The following FHOD3 variants were observed in gnomAD, a reference collection of about 807,000 sequenced individuals.
The protein encoded by FHOD3 is FH1/FH2 domain-containing protein 3.
In FHOD3, 90 loss-of-function variants were observed where a neutral mutation model predicts 173.0. That is an observed-to-expected ratio of 0.52 (90% CI 0.44 to 0.62). The LOEUF (loss-of-function observed/expected upper bound fraction) is 0.62, where lower values mean the gene tolerates loss of function less well. Among genes scored for constraint, FHOD3 ranks in the 20% least tolerant of loss-of-function variants. FHOD3 has a pLI of 0.00. For synonymous variants in FHOD3, 828 were observed against 823.0 expected (o/e 1.01, Z -0.10); for missense variants, 1,945 against 2,034.7 (o/e 0.96, Z 0.85).
At chr18:36,592,345 A>G (rs553595234) in intron 6 of FHOD3, among the ~76,000 whole-genome samples, 2 of 152,342 alleles carry the variant, frequency 1.3e-5, no homozygotes, top group Admixed American at 1.3e-4. Flanking sequence ...TCCTGTGATG[A>G]CTGGTTCCAG....
intron 3 of FHOD3, among the ~76,000 whole-genome samples, chr18:36,475,076 TTGGACTA>T (rs1267636034): frequency 6.6e-5 from 10 of 151,296 alleles, no homozygotes. Flanking sequence ...ACAGAAGAGC[TTGGACTA>T]TTTCTTTCTT....
intron 3 of FHOD3, among the ~76,000 whole-genome samples, chr18:36,412,142 T>C (rs2049385094): frequency 6.6e-6 from 1 of 152,180 alleles, no homozygotes; most frequent in African/African-American, 2.4e-5. Context: ...GCAGTTAATA[T>C]TGCTCAGGGT....
At chr18:36,491,323 C>A (rs1160916466) in intron 3 of FHOD3, among the ~76,000 whole-genome samples, 1 of 152,116 alleles carries the variant, frequency 6.6e-6, no homozygotes, top group African/African-American at 2.4e-5. Context: ...TTCCCATATA[C>A]CCCCTCAACC....
intron 14 of FHOD3, among the ~76,000 whole-genome samples, chr18:36,658,471 T>A (rs752719717): frequency 6.6e-6 from 1 of 152,238 alleles, no homozygotes; most frequent in Non-Finnish European, 1.5e-5. Flanking sequence ...AATGTTTTGA[T>A]TCATTCCTTA....
intron 3 of FHOD3, among the ~76,000 whole-genome samples, chr18:36,380,578 TTTTCCTTTCC>T (rs71381571): frequency 0.12 from 6,147 of 51,900 alleles, 317 homozygotes; most frequent in Middle Eastern, 0.17. Context: ...TTTTCTTTTC[TTTTCCTTTCC>T]TTTCCTTTCC....
chr18:36,651,897 C>T (rs1316503745), intron 11 of FHOD3, among the ~76,000 whole-genome samples: 1 of 152,152 alleles, frequency 6.6e-6, no homozygotes, highest in Non-Finnish European at 1.5e-5. Flanking sequence ...GATTTTATAC[C>T]TGGAGGCAGA....
chr18:36,460,989 A>G (rs1307141934), intron 3 of FHOD3, among the ~76,000 whole-genome samples: 4 of 152,192 alleles, frequency 2.6e-5, no homozygotes, highest in Non-Finnish European at 5.9e-5. Flanking sequence ...TATGGGGGCC[A>G]AGACCTTCGG....
chr18:36,668,211 C>T (rs1459486400), intron 14 of FHOD3, among the ~76,000 whole-genome samples: 1 of 152,106 alleles, frequency 6.6e-6, no homozygotes, highest in Non-Finnish European at 1.5e-5. Flanking sequence ...ATCTTATATT[C>T]TTATCAGATC....
chr18:36,471,181 G>A (rs1232024238), intron 3 of FHOD3, among the ~76,000 whole-genome samples: 3 of 152,172 alleles, frequency 2.0e-5, no homozygotes, highest in African/African-American at 7.2e-5. Context: ...ACTCTGCCCA[G>A]CCCACAAAGC....
At chr18:36,606,816 A>G (rs760646323) in intron 8 of FHOD3, among the ~76,000 whole-genome samples, 11 of 152,240 alleles carry the variant, frequency 7.2e-5, no homozygotes, top group Non-Finnish European at 7.3e-5. Context: ...GAAATAGGCA[A>G]GAAGGAAGGG....
At chr18:36,380,628 C>CTTTCA (rs2047727998) in intron 3 of FHOD3, among the ~76,000 whole-genome samples, 1 of 137,006 alleles carries the variant, frequency 7.3e-6, no homozygotes. Flanking sequence ...CTTTCCTTTC[C>CTTTCA]TTTCCTTTCC....
At chr18:36,760,541 T>C in intron 26 of FHOD3, 67 bp from the exon 27 acceptor site, 1 of 1,403,438 alleles carries the variant, frequency 7.1e-7, no homozygotes, top group South Asian at 1.7e-5. Flanking sequence ...CAACCACGGG[T>C]TTTAGAAGCT....
chr18:36,439,527 G>A (rs201513780), intron 3 of FHOD3, among the ~76,000 whole-genome samples: 49,788 of 119,690 alleles, frequency 0.42, 8,358 homozygotes, highest in Admixed American at 0.46. Context: ...TAGAATGTGT[G>A]TGTGTGTGTG....
intron 3 of FHOD3, among the ~76,000 whole-genome samples, chr18:36,497,961 A>G (rs1568350435): frequency 6.6e-6 from 1 of 152,212 alleles, no homozygotes. Context: ...GGGCCATAAA[A>G]TAAGCCTTAA....
chr18:36,396,131 A>G lies in FHOD3; in HGVS notation c.337+23387A>G, dbSNP rs187771678. Among the ~76,000 whole-genome samples, 393 of 152,310 alleles carry G rather than the reference A, an allele frequency of 2.6e-3. 4 individuals are homozygous for G. Among genetic ancestry groups the G allele is most frequent in the South Asian group, 0.017 (80 of 4,828 alleles). ...TATTGCTTTTGAAAAGTCTGATGAT[A>G]ATAAGCTTTTATGTCCCTTGTTATT... is the stretch of plus-strand genomic sequence containing the variant. On this transcript the variant is annotated intron_variant, in intron 3 of 28. Transcript: ENST00000590592.
intron 5 of FHOD3, among the ~76,000 whole-genome samples, chr18:36,564,270 T>A (rs1019469241): frequency 6.6e-6 from 1 of 152,208 alleles, no homozygotes; most frequent in Non-Finnish European, 1.5e-5. Context: ...ATAGAATAGA[T>A]CATTAAAATG....
chr18:36,714,444 A>G (rs2040339851), intron 18 of FHOD3, among the ~76,000 whole-genome samples: 1 of 152,202 alleles, frequency 6.6e-6, no homozygotes, highest in African/African-American at 2.4e-5. Context: ...AGGCTGAGAC[A>G]TGAAACTGTT....
intron 1 of FHOD3, among the ~76,000 whole-genome samples, chr18:36,334,076 G>A (rs1348187767): frequency 6.6e-6 from 1 of 152,148 alleles, no homozygotes; most frequent in African/African-American, 2.4e-5. Context: ...CCTCTGTTGA[G>A]TGTGGTCCCC....
intron 20 of FHOD3, among the ~76,000 whole-genome samples, chr18:36,736,858 C>A (rs1464818768): frequency 1.3e-5 from 2 of 152,202 alleles, no homozygotes; most frequent in African/African-American, 4.8e-5. Context: ...GCACCCCACC[C>A]TTTTCTGCCT....
Sources: allele counts gnomAD v4.1 joint callset (sites outside exome capture counted in the v4.1 genomes callset), GRCh38; gene constraint gnomAD v4.1.1; transcripts MANE v1.5; gene names NCBI Gene and HGNC (gene_info 2026-07-23, HGNC 2026-07-21).